Variants in GABRB1 observed in about 807,000 individuals in gnomAD.
GABRB1 encodes gamma-aminobutyric acid receptor subunit beta-1.
GABRB1 carries 17 observed loss-of-function variants against 51.6 expected under a neutral mutation model. That is an observed-to-expected ratio of 0.33 (90% CI 0.23 to 0.49). GABRB1 has a LOEUF of 0.49. GABRB1 is among the 20% of genes least tolerant of loss of function. GABRB1 has a pLI of 0.99. For missense variants in GABRB1, 410 were observed against 600.6 expected, an observed-to-expected ratio of 0.68 and a Z score of 3.32; for synonymous variants, 247 against 218.9, an observed-to-expected ratio of 1.13 and a Z score of -1.14.
At chr4:47,171,964 A>G (rs918024467) in intron 4 of GABRB1, among the ~76,000 whole-genome samples, 5 of 152,114 alleles carry the variant, frequency 3.3e-5, no homozygotes, top group African/African-American at 9.7e-5. Context: ...TGTATATTTT[A>G]TGTATCAAAG....
At chr4:47,066,507 A>G (rs963131954) in intron 3 of GABRB1, among the ~76,000 whole-genome samples, 4 of 152,228 alleles carry the variant, frequency 2.6e-5, no homozygotes, top group Admixed American at 6.5e-5. Flanking sequence ...TTCTTTATCA[A>G]CTAAGTTTAT....
chr4:47,127,274 A>G (rs1716191964), intron 3 of GABRB1, among the ~76,000 whole-genome samples: 1 of 151,828 alleles, frequency 6.6e-6, no homozygotes, highest in Admixed American at 6.6e-5. Context: ...AAAGAACTGG[A>G]ATTGTAAAAC....
intron 4 of GABRB1, among the ~76,000 whole-genome samples, chr4:47,179,443 A>G (rs1374283837): frequency 3.9e-5 from 6 of 152,036 alleles, no homozygotes. Flanking sequence ...TATATACCCA[A>G]AGGATTATAA....
intron 1 of GABRB1, among the ~76,000 whole-genome samples, chr4:47,000,239 A>G (rs757533258): frequency 1.3e-5 from 2 of 152,218 alleles, no homozygotes; most frequent in African/African-American, 2.4e-5. Flanking sequence ...ATATGAACAA[A>G]TTTGCATGAA....
rs1435055625 is a variant in GABRB1 at position 47,331,663 on chromosome 4, A to G, written c.544+11454A>G. On this transcript the variant is annotated intron_variant, in intron 5 of 8. Coordinates refer to ENST00000295454, the MANE Select transcript of GABRB1 (RefSeq NM_000812.4). ...AACCAAACACTTAAAGACACATTTT[A>G]TACAGGAACTTTGATCTTCTAATAC... is the stretch of plus-strand genomic sequence containing the variant. Among the ~76,000 whole-genome samples, 3 of 152,148 alleles carry G rather than the reference A, an allele frequency of 2.0e-5. 1 individual carries two copies. Among genetic ancestry groups the G allele is most frequent in the South Asian group, 4.1e-4 (2 of 4,824 alleles).
intron 8 of GABRB1, among the ~76,000 whole-genome samples, chr4:47,423,890 T>G (rs1187650842): frequency 1.3e-5 from 2 of 152,190 alleles, no homozygotes; most frequent in African/African-American, 2.4e-5. Context: ...ATTACTGAAA[T>G]ACTGAAATTA....
intron 4 of GABRB1, among the ~76,000 whole-genome samples, chr4:47,276,865 G>C (rs952981024): frequency 6.6e-6 from 1 of 151,980 alleles, no homozygotes; most frequent in Non-Finnish European, 1.5e-5. Context: ...AATCAAAAGT[G>C]TCTACAGATA....
At chr4:47,132,773 A>C (rs1344538391) in intron 3 of GABRB1, among the ~76,000 whole-genome samples, 2 of 152,214 alleles carry the variant, frequency 1.3e-5, no homozygotes, top group Non-Finnish European at 2.9e-5. Flanking sequence ...ACTGCTAAAT[A>C]GTAAAACAGT....
intron 4 of GABRB1, among the ~76,000 whole-genome samples, chr4:47,173,112 A>G (rs1240934370): frequency 6.6e-6 from 1 of 152,174 alleles, no homozygotes; most frequent in Non-Finnish European, 1.5e-5. Context: ...TTTTTTAATT[A>G]AATTCCCAAA....
chr4:47,294,193 A>G (rs1238418196), intron 4 of GABRB1, among the ~76,000 whole-genome samples: 1 of 152,178 alleles, frequency 6.6e-6, no homozygotes, highest in African/African-American at 2.4e-5. Context: ...AAGACAGATG[A>G]TTTCTGCATT....
chr4:47,010,062 C>A (rs950668119), intron 1 of GABRB1, among the ~76,000 whole-genome samples: 3 of 152,148 alleles, frequency 2.0e-5, no homozygotes, highest in Non-Finnish European at 4.4e-5. Flanking sequence ...TTCTGCTCAC[C>A]TCTGGATAAA....
At chr4:47,164,746 G>C (rs919208337) in intron 4 of GABRB1, among the ~76,000 whole-genome samples, 1 of 152,074 alleles carries the variant, frequency 6.6e-6, no homozygotes, top group Non-Finnish European at 1.5e-5. Flanking sequence ...GTCTATTTTT[G>C]TGAACTATGT....
chr4:47,050,886 A>T (rs1726320521), intron 3 of GABRB1, among the ~76,000 whole-genome samples: 1 of 152,174 alleles, frequency 6.6e-6, no homozygotes, highest in Non-Finnish European at 1.5e-5. Context: ...ATTGACTAGT[A>T]ATGGAGGCTC....
intron 4 of GABRB1, among the ~76,000 whole-genome samples, chr4:47,179,978 G>A (rs1718875994): frequency 6.6e-6 from 1 of 152,120 alleles, no homozygotes; most frequent in Non-Finnish European, 1.5e-5. Context: ...GGCTGAGGCA[G>A]TAGAATTGCT....
At chr4:47,291,337 G>A (rs1450566320) in intron 4 of GABRB1, among the ~76,000 whole-genome samples, 1 of 152,242 alleles carries the variant, frequency 6.6e-6, no homozygotes, top group Non-Finnish European at 1.5e-5. Flanking sequence ...GTATGGAAAT[G>A]CCTGGATGCC....
intron 8 of GABRB1, among the ~76,000 whole-genome samples, chr4:47,417,488 G>A (rs1300906055): frequency 2.0e-5 from 3 of 151,820 alleles, no homozygotes; most frequent in African/African-American, 7.3e-5. Flanking sequence ...CAGCCTAAGA[G>A]ATCAGGGTTT....
intron 4 of GABRB1, among the ~76,000 whole-genome samples, chr4:47,301,166 C>T (rs1553873260): frequency 6.6e-6 from 1 of 151,990 alleles, no homozygotes; most frequent in Non-Finnish European, 1.5e-5. Flanking sequence ...TTCTAGGAAC[C>T]AAAAAGACAC....
chr4:47,234,974 G>C (rs1553925140), intron 4 of GABRB1, among the ~76,000 whole-genome samples: 1 of 152,192 alleles, frequency 6.6e-6, no homozygotes, highest in Non-Finnish European at 1.5e-5. Flanking sequence ...AACGAGGTTT[G>C]AGATCATCTT....
chr4:47,064,053 A>C (rs571360608), intron 3 of GABRB1, among the ~76,000 whole-genome samples: 1 of 152,336 alleles, frequency 6.6e-6, no homozygotes, highest in South Asian at 2.1e-4. Flanking sequence ...ACTTAAAACT[A>C]AAATTAAATT....
Sources: allele counts gnomAD v4.1 joint callset (sites outside exome capture counted in the v4.1 genomes callset), GRCh38; gene constraint gnomAD v4.1.1; transcripts MANE v1.5; gene names NCBI Gene and HGNC (gene_info 2026-07-23, HGNC 2026-07-21).